The following ANKRD11 variants were observed in gnomAD, a reference collection of about 807,000 sequenced individuals.
ANKRD11 encodes ankyrin repeat domain-containing protein 11.
ANKRD11 carries 17 observed loss-of-function variants against 195.7 expected under a neutral mutation model. The observed-to-expected ratio is 0.09, with a 90% CI of 0.06 to 0.13. The LOEUF (loss-of-function observed/expected upper bound fraction) is 0.13, where lower values mean the gene tolerates loss of function less well. Ranked by LOEUF, ANKRD11 falls within the 10% of genes least tolerant of loss-of-function variation. The probability of loss-of-function intolerance (pLI) is 1.00; values close to 1 mark genes in which losing one functional copy is unlikely to be tolerated. For synonymous variants in ANKRD11, 1,953 were observed against 1,528.1 expected (o/e 1.28, Z -6.49); for missense variants, 3,735 against 3,566.1 (o/e 1.05, Z -1.21).
chr16:89,384,788 C>A (rs182350240), intron 2 of ANKRD11, among the ~76,000 whole-genome samples: 2 of 151,690 alleles, frequency 1.3e-5, no homozygotes, highest in East Asian at 3.9e-4. Flanking sequence ...AAAAGCAGGC[C>A]CACTAGACAG....
chr16:89,322,245 G>A (rs748234278), intron 2 of ANKRD11, among the ~76,000 whole-genome samples: 1 of 152,208 alleles, frequency 6.6e-6, no homozygotes, highest in Non-Finnish European at 1.5e-5. Flanking sequence ...CTCTCTCCCT[G>A]AACAGATGTG....
chr16:89,338,832 C>T (rs572975933), intron 2 of ANKRD11, among the ~76,000 whole-genome samples: 1 of 147,510 alleles, frequency 6.8e-6, no homozygotes, highest in Non-Finnish European at 1.5e-5. Flanking sequence ...CCAGGCAAAA[C>T]AATCATTTCC....
At chr16:89,320,177 G>A (rs1034834316) in intron 2 of ANKRD11, 2 of 152,268 alleles carry the variant, frequency 1.3e-5, no homozygotes, top group African/African-American at 2.4e-5. Flanking sequence ...AGTCCTTGAA[G>A]CTGGGAGTCC....
At chr16:89,278,471 G>A (rs1037934819) in intron 9 of ANKRD11, 7 of 453,294 alleles carry the variant, frequency 1.5e-5, no homozygotes, top group African/African-American at 1.4e-4. Flanking sequence ...GGGTGATTCC[G>A]AGATGTTTCA....
chr16:89,441,788 A>AAAAAAC (rs2043513065), intron 1 of ANKRD11, among the ~76,000 whole-genome samples: 1 of 149,680 alleles, frequency 6.7e-6, no homozygotes, highest in Non-Finnish European at 1.5e-5. Flanking sequence ...AAAAAAAAAA[A>AAAAAAC]AAAAACGCAA....
At chr16:89,457,522 C>T (rs1271110440) in intron 1 of ANKRD11, among the ~76,000 whole-genome samples, 1 of 146,998 alleles carries the variant, frequency 6.8e-6, no homozygotes, top group Non-Finnish European at 1.5e-5. Flanking sequence ...CACTTGAACC[C>T]GGGAGGCGGA....
rs559756815 is a variant in ANKRD11 at position 89,274,868 on chromosome 16, G to A, written c.7659C>T (p.Ser2553=). 1.1e-5 allele frequency: 18 copies of A among 1,613,144 alleles called. No homozygotes were observed. The highest frequency in any genetic ancestry group is 4.0e-5 in the African/African-American group (3 of 74,926). ...CGGAGTCCAGCAGCATCGTGCAGGC[G>A]CTGAATGGCACTGCCTGGTTGGCGA... is the stretch of plus-strand genomic sequence containing the variant. ...RTIANQAVPF[S]ACTMLLDSEV... Residue 2553 remains serine, a synonymous_variant, in exon 11 of 13, where the codon AGC becomes AGT. Transcript: ENST00000301030.
chr16:89,281,109 C>T lies in ANKRD11; in HGVS notation c.5433G>A (p.Arg1811=), dbSNP rs2034195758. ...EEFSVGDKLF[R]QQSVPAASSY... is the part of the protein sequence containing the mutation. ...TGGAGGCAGCAGGAACGCTCTGCTG[C>T]CTGAAGAGCTTGTCTCCGACGCTGA... The change falls in exon 9 of 13, where the codon AGG becomes AGA. Residue 1811 remains arginine (R), a synonymous_variant. Transcript: ENST00000301030. This position sits in a 1 kb window ranked among gnomAD's most constrained non-coding sequence, Gnocchi z 5.5. The T allele has an allele frequency of 3.7e-6, 6 of 1,611,612 alleles. No homozygotes were observed. Among genetic ancestry groups the T allele is most frequent in the Non-Finnish European group, 5.1e-6 (6 of 1,177,984 alleles).
At position 89,346,141 on chromosome 16, in the gene ANKRD11, C is replaced by T. The variant is rs1490082663; in HGVS notation, c.-59-29063G>A. 4.7e-5 allele frequency among the ~76,000 whole-genome samples: 7 copies of T among 149,660 alleles called. No homozygotes were observed. The East Asian group carries it at 5.9e-4, about 13-fold the overall frequency. ...CCGGGCGCTTGTAATCCCAGCTACT[C>T]GGGAGGCTGAGGCAGGAGAATCCCT... is the stretch of plus-strand genomic sequence containing the variant. On this transcript the variant is annotated intron_variant, in intron 2 of 12. Coordinates refer to ENST00000301030, the MANE Select transcript of ANKRD11 (RefSeq NM_013275.6).
chr16:89,328,671 T>TA (rs2037872312), intron 2 of ANKRD11, among the ~76,000 whole-genome samples: 1 of 142,878 alleles, frequency 7.0e-6, no homozygotes, highest in South Asian at 2.2e-4. Context: ...CCCTGCTGAG[T>TA]GAGTGGACAC....
intron 3 of ANKRD11, chr16:89,313,260 G>A (rs2036718148): frequency 4.0e-6 from 5 of 1,263,136 alleles, no homozygotes; most frequent in East Asian, 5.6e-5. Context: ...CCATGGGGTG[G>A]GGACGACAGG....
At chr16:89,322,328 T>C (rs538580616) in intron 2 of ANKRD11, among the ~76,000 whole-genome samples, 5 of 152,388 alleles carry the variant, frequency 3.3e-5, no homozygotes, top group African/African-American at 9.6e-5. Context: ...CCACAGTATG[T>C]TGATAGAACA....
intron 2 of ANKRD11, among the ~76,000 whole-genome samples, chr16:89,332,606 T>C (rs1426574590): frequency 2.0e-5 from 3 of 152,246 alleles, no homozygotes; most frequent in African/African-American, 7.2e-5. Flanking sequence ...GAAAAAGCAC[T>C]ATCTAAATCC....
rs921516524 is a variant in ANKRD11, at chr16:89,291,656, C to G, written c.227-473G>C. Reference sequence around the variant, plus strand: ...CACAGTTTAAAACACATCAGTAAATCAAGGCCAACTGGTCAGTACTGTACC... The same window carrying G: ...CACAGTTTAAAACACATCAGTAAATGAAGGCCAACTGGTCAGTACTGTACC... On this transcript the variant is annotated intron_variant, in intron 4 of 12. Transcript: ENST00000301030. This position sits in a 1 kb window ranked among gnomAD's most constrained non-coding sequence, Gnocchi z 5.3. 2.3e-6 allele frequency: 3 copies of G among 1,288,422 alleles called. No homozygotes were observed. The Admixed American group carries it at 6.9e-5, about 30-fold the overall frequency. The allele number at this position is 1,288,422 out of a possible 1,614,324, so 79.8% of individuals were successfully genotyped here.
rs894825981 is a variant in ANKRD11 at position 89,279,081 on chromosome 16, G to C, written c.7461C>G (p.His2487Gln). The change falls in exon 9 of 13, where the codon CAC becomes CAG. Residue 2487 changes from histidine (H) to glutamine (Q), a missense_variant. By Grantham distance (24) the His-to-Gln change is conservative. Transcript: ENST00000301030. The surrounding 1 kb of genome is among the most constrained non-coding windows in gnomAD (Gnocchi z 5.6). The part of the protein sequence containing the change: ...LLDGKPLSKL[H>Q]IPVIAPPPSL... ...CGGGCCCCGCACTCACCACGGGGAT[G>C]TGGAGCTTGCTGAGCGGCTTGCCGT... is the stretch of plus-strand genomic sequence containing the variant. The C allele has an allele frequency of 6.2e-7, 1 of 1,613,906 alleles. No homozygotes were observed. Among genetic ancestry groups the C allele is most frequent in the Non-Finnish European group, 8.5e-7 (1 of 1,179,940 alleles).
At chr16:89,404,383 T>A (rs538084209) in intron 2 of ANKRD11, among the ~76,000 whole-genome samples, 1 of 152,344 alleles carries the variant, frequency 6.6e-6, no homozygotes, top group East Asian at 1.9e-4. Flanking sequence ...AAAAATTGCC[T>A]TCACTGAAAA....
At chr16:89,371,611 G>A (rs938972371) in intron 2 of ANKRD11, among the ~76,000 whole-genome samples, 6 of 152,172 alleles carry the variant, frequency 3.9e-5, no homozygotes, top group African/African-American at 1.4e-4. Flanking sequence ...AGGGTGCTGT[G>A]CACTCCCTGC....
intron 1 of ANKRD11, among the ~76,000 whole-genome samples, chr16:89,426,286 G>C (rs1392630788): frequency 6.6e-6 from 1 of 152,126 alleles, no homozygotes; most frequent in Non-Finnish European, 1.5e-5. Flanking sequence ...AATCAAACTA[G>C]AGAAAGTGAC....
At chr16:89,297,680 T>A (rs1304307037) in intron 4 of ANKRD11, 1 of 152,152 alleles carries the variant, frequency 6.6e-6, no homozygotes, top group Non-Finnish European at 1.5e-5. Flanking sequence ...CAAGACAAGC[T>A]CCGAACAGCC....
Sources: allele counts gnomAD v4.1 joint callset (sites outside exome capture counted in the v4.1 genomes callset), GRCh38; gene constraint gnomAD v4.1.1; non-coding constraint Gnocchi (gnomAD v3.1); transcripts MANE v1.5; gene names NCBI Gene and HGNC (gene_info 2026-07-23, HGNC 2026-07-21).